Variants in GRID1 observed in about 807,000 individuals in gnomAD.
The protein encoded by GRID1 is glutamate ionotropic receptor delta type subunit 1, also known as glutamate receptor ionotropic, delta-1.
A neutral mutation model predicts 98.0 loss-of-function variants in GRID1; 28 were observed. The observed-to-expected ratio is 0.29, with a 90% CI of 0.21 to 0.39. The LOEUF (loss-of-function observed/expected upper bound fraction) is 0.39, where lower values mean the gene tolerates loss of function less well. Among genes scored for constraint, GRID1 ranks in the 10% least tolerant of loss-of-function variants. GRID1 has a pLI of 1.00. For synonymous variants in GRID1, 553 were observed against 538.5 expected (o/e 1.03, Z -0.37); for missense variants, 1,111 against 1,340.5 (o/e 0.83, Z 2.67).
intron 4 of GRID1, among the ~76,000 whole-genome samples, chr10:85,961,979 A>G (rs1842273792): frequency 6.6e-6 from 1 of 152,222 alleles, no homozygotes; most frequent in African/African-American, 2.4e-5. Context: ...GGAAGGAAGA[A>G]AAGAAGAAAA....
At chr10:86,090,324 A>G (rs1844127279) in intron 4 of GRID1, among the ~76,000 whole-genome samples, 1 of 151,960 alleles carries the variant, frequency 6.6e-6, no homozygotes, top group Non-Finnish European at 1.5e-5. Context: ...TACTTGGGAG[A>G]ACTTCTTGAA....
At chr10:85,714,043 A>C (rs976864032) in intron 12 of GRID1, among the ~76,000 whole-genome samples, 3 of 151,982 alleles carry the variant, frequency 2.0e-5, no homozygotes, top group Non-Finnish European at 2.9e-5. Flanking sequence ...AGAAAATGTG[A>C]TACATATACA....
At chr10:86,025,586 C>A (rs182639576) in intron 4 of GRID1, among the ~76,000 whole-genome samples, 1 of 152,310 alleles carries the variant, frequency 6.6e-6, no homozygotes, top group Non-Finnish European at 1.5e-5. Context: ...GAACAGGAGC[C>A]ATTATCTCCT....
chr10:85,702,534 T>C (rs1030452690), intron 12 of GRID1, among the ~76,000 whole-genome samples: 2 of 152,100 alleles, frequency 1.3e-5, no homozygotes, highest in Non-Finnish European at 2.9e-5. Context: ...GACAAAATTA[T>C]TGAACTAAAG....
At chr10:85,874,845 G>T (rs908759440) in intron 5 of GRID1, among the ~76,000 whole-genome samples, 5 of 135,778 alleles carry the variant, frequency 3.7e-5, no homozygotes, top group Non-Finnish European at 8.7e-5. Context: ...ATATTTTGGG[G>T]TTATGTTATT....
intron 4 of GRID1, among the ~76,000 whole-genome samples, chr10:86,082,986 A>G (rs1427726808): frequency 6.6e-6 from 1 of 152,162 alleles, no homozygotes; most frequent in Non-Finnish European, 1.5e-5. Context: ...TCACTCCACT[A>G]GACCAAGAGT....
intron 8 of GRID1, among the ~76,000 whole-genome samples, chr10:85,849,322 G>C (rs762276086): frequency 2.6e-5 from 4 of 152,160 alleles, no homozygotes; most frequent in African/African-American, 7.2e-5. Context: ...CAGACACAAG[G>C]CTCTCCCAGG....
chr10:86,186,308 G>C (rs1845724556), intron 3 of GRID1, among the ~76,000 whole-genome samples: 1 of 152,104 alleles, frequency 6.6e-6, no homozygotes, highest in Admixed American at 6.6e-5. Context: ...TCTCTCTTGT[G>C]TTTTCCCAGT....
intron 2 of GRID1, among the ~76,000 whole-genome samples, chr10:86,249,640 C>A (rs1846789038): frequency 6.6e-6 from 1 of 152,082 alleles, no homozygotes; most frequent in African/African-American, 2.4e-5. Flanking sequence ...AGGAAGATAG[C>A]TGTTTCAGGC....
At chr10:86,158,156 G>A (rs772288512) in intron 3 of GRID1, among the ~76,000 whole-genome samples, 1 of 152,190 alleles carries the variant, frequency 6.6e-6, no homozygotes, top group Non-Finnish European at 1.5e-5. Flanking sequence ...ATCGGCCTGA[G>A]ACTAAGCACC....
intron 4 of GRID1, among the ~76,000 whole-genome samples, chr10:86,075,857 A>T (rs950176116): frequency 6.6e-6 from 1 of 152,344 alleles, no homozygotes; most frequent in East Asian, 1.9e-4. Context: ...GAAGGGCACC[A>T]TAGGGCAGCT....
intron 12 of GRID1, among the ~76,000 whole-genome samples, chr10:85,699,839 A>G (rs995124704): frequency 1.3e-5 from 2 of 152,196 alleles, no homozygotes; most frequent in Non-Finnish European, 2.9e-5. Flanking sequence ...GCAATAATTT[A>G]TCTGTTCAAA....
chr10:86,149,459 C>A (rs962224645), intron 3 of GRID1, among the ~76,000 whole-genome samples: 1 of 152,202 alleles, frequency 6.6e-6, no homozygotes, highest in African/African-American at 2.4e-5. Flanking sequence ...TGAGCCGTAC[C>A]CACACCCCCT....
chr10:85,703,592 T>C (rs1841478658), intron 12 of GRID1, among the ~76,000 whole-genome samples: 1 of 152,040 alleles, frequency 6.6e-6, no homozygotes, highest in African/African-American at 2.4e-5. Context: ...GAATATATAG[T>C]TTCACTGTTA....
chr10:86,338,435 C>T (rs528817875), intron 2 of GRID1, among the ~76,000 whole-genome samples: 57 of 152,308 alleles, frequency 3.7e-4, no homozygotes, highest in Middle Eastern at 3.4e-3. Context: ...CGAATCCAGC[C>T]TGCCCTGAAT....
intron 8 of GRID1, among the ~76,000 whole-genome samples, chr10:85,742,846 G>T (rs1439099970): frequency 1.3e-5 from 2 of 152,168 alleles, no homozygotes. Flanking sequence ...GCCATACAGT[G>T]TCTGCTTAGT....
intron 5 of GRID1, among the ~76,000 whole-genome samples, chr10:85,907,176 A>ATC (rs1841473611): frequency 6.6e-6 from 1 of 152,170 alleles, no homozygotes; most frequent in Non-Finnish European, 1.5e-5. Context: ...CAATGGCACA[A>ATC]TCTCGGCTCA....
At chr10:86,242,578 A>G (rs1846655469) in intron 2 of GRID1, among the ~76,000 whole-genome samples, 1 of 152,208 alleles carries the variant, frequency 6.6e-6, no homozygotes, top group African/African-American at 2.4e-5. Context: ...GGATATAGGT[A>G]AGGCAGCCAA....
intron 8 of GRID1, among the ~76,000 whole-genome samples, chr10:85,815,304 A>G (rs73330545): frequency 0.036 from 5,442 of 152,170 alleles, 127 homozygotes; most frequent in East Asian, 0.064. Flanking sequence ...AATGAAAGAC[A>G]CTGAATGCTT....
Sources: allele counts gnomAD v4.1 joint callset (sites outside exome capture counted in the v4.1 genomes callset), GRCh38; gene constraint gnomAD v4.1.1; transcripts MANE v1.5; gene names NCBI Gene and HGNC (gene_info 2026-07-23, HGNC 2026-07-21).